DOP1B: variants seen among roughly 807,000 people sequenced by gnomAD.
DOP1B encodes protein DOP1B.
Under a neutral mutation model 233.5 loss-of-function variants are expected in DOP1B, and 174 were observed. That is an observed-to-expected ratio of 0.75 (90% CI 0.66 to 0.85). The LOEUF (loss-of-function observed/expected upper bound fraction) is 0.85, where lower values mean the gene tolerates loss of function less well. Ranked by LOEUF, DOP1B falls within the 40% of genes least tolerant of loss-of-function variation. DOP1B has a pLI of 0.00. For synonymous variants in DOP1B, 1,190 were observed against 1,185.6 expected (o/e 1.00, Z -0.08); for missense variants, 2,652 against 2,846.6 (o/e 0.93, Z 1.56).
chr21:36,200,465 TGCCCG>T lies in DOP1B; in HGVS notation c.459_463del (p.Gly154Ter). The T allele has an allele frequency of 6.2e-7, 1 of 1,612,380 alleles. No individual in the cohort carries two copies. The highest frequency in any genetic ancestry group is 8.5e-7 in the Non-Finnish European group (1 of 1,179,774). ...CTGCAGGCCTTCATCGTGGGCCTGC[TGCCCG>T]GCCTTGAAGAGGGCTCCGAGATCTC... On this transcript the variant is annotated frameshift_variant, in exon 4 of 37. Transcript: ENST00000691173. LOFTEE classifies it high-confidence loss of function.
At position 36,195,004 on chromosome 21, in the gene DOP1B, G is replaced by C. The variant is rs539203722; in HGVS notation, c.139-4066G>C. Among the ~76,000 whole-genome samples the C allele has an allele frequency of 3.7e-4, 56 of 151,524 alleles. 1 individual carries two copies. The highest frequency in any genetic ancestry group is 1.3e-3 in the African/African-American group (55 of 41,324). ...GTGGATCAATTGAGCCCAGGGGTTCGAGGCCAGCCTGAGCAACATGGCAAA... is the reference window on the plus strand; with the variant it reads ...GTGGATCAATTGAGCCCAGGGGTTCCAGGCCAGCCTGAGCAACATGGCAAA... On this transcript the variant is annotated intron_variant, in intron 2 of 36. Transcript: ENST00000691173.
chr21:36,278,096 T>G lies in DOP1B; in HGVS notation c.5822+12T>G, dbSNP rs542750608. The stretch of plus-strand genomic sequence containing the variant: ...TTACGCAACCACAGGTAACGTCATC[T>G]TCGCCATTTCTTCCCACCCATATGC... On this transcript the variant is annotated intron_variant, in intron 29 of 36. Transcript: ENST00000691173. 1.9e-4 allele frequency: 314 copies of G among 1,613,676 alleles called. 5 individuals are homozygous for G. The South Asian group carries it at 3.3e-3, about 17-fold the overall frequency.
At position 36,227,739 on chromosome 21, in the gene DOP1B, G is replaced by A. The variant is rs150769118; in HGVS notation, c.1527G>A (p.Leu509=). The A allele has an allele frequency of 2.4e-4, 381 of 1,608,930 alleles. 1 individual carries two copies. Among genetic ancestry groups the A allele is most frequent in the Admixed American group, 1.3e-3 (75 of 59,358 alleles). ...TQYLPQVLGC[L]VQPLAEDMEA... ...ATCTCCCTCAGGTGCTCGGCTGCCT[G>A]GTGCAGCCTCTTGCTGAGGACATGG... is the stretch of plus-strand genomic sequence containing the variant. Residue 509 remains leucine (L), a synonymous_variant, in exon 13 of 37, where the codon CTG becomes CTA. Transcript: ENST00000691173.
rs551407018 is a variant in DOP1B at position 36,227,731 on chromosome 21, G to A, written c.1519G>A (p.Gly507Ser). Residue 507 changes from glycine to serine, a missense_variant, in exon 13 of 37, where the codon GGC becomes AGC. Transcript: ENST00000691173. ...VQTQYLPQVL[G>S]CLVQPLAEDM... ...AACCCAGTATCTCCCTCAGGTGCTC[G>A]GCTGCCTGGTGCAGCCTCTTGCTGA... is the stretch of plus-strand genomic sequence containing the variant. 3.4e-5 allele frequency: 54 copies of A among 1,605,182 alleles called. No individual in the cohort carries two copies. The highest frequency in any genetic ancestry group is 7.7e-5 in the South Asian group (7 of 90,386).
chr21:36,272,369 G>T (rs2067298211), intron 27 of DOP1B, among the ~76,000 whole-genome samples: 1 of 152,070 alleles, frequency 6.6e-6, no homozygotes, highest in South Asian at 2.1e-4. Context: ...AATAAATCAG[G>T]CCGGGCACAG....
In DOP1B at chr21:36,245,936, G is replaced by T. The variant is rs781214844; in HGVS notation, c.3956G>T (p.Cys1319Phe). The T allele has an allele frequency of 6.8e-6, 11 of 1,613,924 alleles. No homozygotes were observed. The Admixed American group carries it at 1.7e-4, about 24-fold the overall frequency. ...SLLLELLTYLCLSFLRSYYPC... is the reference protein window; with the variant it reads ...SLLLELLTYLFLSFLRSYYPC... ...CTCCTGGAGCTGCTCACCTACCTCT[G>T]CCTGAGCTTCCTGCGCTCCTACTAC... is the stretch of plus-strand genomic sequence containing the variant. Residue 1319 changes from cysteine to phenylalanine, a missense_variant, in exon 19 of 37, where the codon TGC becomes TTC. Cys to Phe is a radical substitution (Grantham distance 205). Around this residue, in one of 3 missense-constraint regions of DOP1B, gnomAD observed 2,617 missense variants for 2,794.3 expected, o/e 0.94. Transcript: ENST00000691173. The surrounding 1 kb of genome is among the most constrained non-coding windows in gnomAD (Gnocchi z 5.5).
intron 2 of DOP1B, among the ~76,000 whole-genome samples, chr21:36,176,746 G>A (rs894668384): frequency 3.9e-5 from 6 of 152,118 alleles, no homozygotes; most frequent in African/African-American, 1.4e-4. Flanking sequence ...ATTTGTCTCT[G>A]GCAGTGTCCT....
chr21:36,179,988 C>T (rs1307764603), intron 2 of DOP1B, among the ~76,000 whole-genome samples: 4 of 152,176 alleles, frequency 2.6e-5, no homozygotes, highest in African/African-American at 4.8e-5. Flanking sequence ...TCTGCCTGCA[C>T]AGATGCCAGA....
chr21:36,228,127 G>A (rs560227454), intron 13 of DOP1B, among the ~76,000 whole-genome samples: 19 of 152,008 alleles, frequency 1.2e-4, no homozygotes, highest in Non-Finnish European at 2.2e-4. Context: ...CCAGGAGTTC[G>A]AGACCAGCCT....
Position 36,200,316 on chromosome 21 carries a change from C to T in DOP1B, c.321-15C>T, listed in dbSNP as rs749678566. The T allele has an allele frequency of 2.5e-6, 4 of 1,575,364 alleles. No individual in the cohort carries two copies. Among genetic ancestry groups the T allele is most frequent in the Non-Finnish European group, 3.4e-6 (4 of 1,159,910 alleles). ...ATCTTATTTCTGCCCCGCTCCCTCTCGTTCTTTCTCGAAGCTGCGGGTTAT... is the reference window on the plus strand; with the variant it reads ...ATCTTATTTCTGCCCCGCTCCCTCTTGTTCTTTCTCGAAGCTGCGGGTTAT... On this transcript the variant is annotated splice_polypyrimidine_tract_variant and intron_variant, in intron 3 of 36. Transcript: ENST00000691173.
chr21:36,245,301 C>T lies in DOP1B; in HGVS notation c.3321C>T (p.Ser1107=), dbSNP rs547310295. 2.0e-5 allele frequency: 32 copies of T among 1,614,078 alleles called. No individual in the cohort carries two copies. The South Asian group carries it at 2.2e-4, about 11-fold the overall frequency. ...DRTAHGAPDS[S]EHTESADTSS... ...CGGCCCACGGCGCCCCGGACAGCAG[C>T]GAGCACACCGAGTCTGCAGATACAA... The change falls in exon 19 of 37, where the codon AGC becomes AGT. Residue 1107 remains serine, a synonymous_variant. Coordinates refer to ENST00000691173, the MANE Select transcript of DOP1B (RefSeq NM_001320714.2). This position sits in a 1 kb window ranked among gnomAD's most constrained non-coding sequence, Gnocchi z 5.5.
intron 1 of DOP1B, among the ~76,000 whole-genome samples, chr21:36,158,902 C>A (rs145954030): frequency 0.029 from 4,280 of 149,254 alleles, 113 homozygotes; most frequent in African/African-American, 0.068. Context: ...CCGAGGTGGG[C>A]GGATCACCTT....
At chr21:36,254,939 T>C (rs1007057538) in intron 23 of DOP1B, among the ~76,000 whole-genome samples, 49 of 149,624 alleles carry the variant, frequency 3.3e-4, no homozygotes, top group Non-Finnish European at 5.6e-4. Context: ...AAATTAAAAT[T>C]TGTGTAACTT....
intron 2 of DOP1B, chr21:36,169,333 C>A: frequency 2.6e-6 from 2 of 782,514 alleles, no homozygotes; most frequent in Non-Finnish European, 4.6e-6. Context: ...TCTTACAGAT[C>A]TTCTTGTTGA....
chr21:36,247,232 G>A (rs148197766), intron 19 of DOP1B, among the ~76,000 whole-genome samples: 107 of 152,106 alleles, frequency 7.0e-4, no homozygotes, highest in African/African-American at 2.4e-3. Context: ...AGTGTTGCAG[G>A]GCATGTCAGC....
Position 36,293,642 on chromosome 21 carries a change from G to T in DOP1B, c.*71G>T. On this transcript the variant is annotated 3_prime_UTR_variant, in exon 37 of 37. Coordinates refer to ENST00000691173, the MANE Select transcript of DOP1B (RefSeq NM_001320714.2). The stretch of plus-strand genomic sequence containing the variant: ...GAAAACCAGGTTATATTCTAAAGAA[G>T]AAAGAAGGCAGGATAGTGCTTTTGA... The T allele has an allele frequency of 6.6e-7, 1 of 1,518,888 alleles. No homozygotes were observed. 94.1% of individuals were successfully genotyped at this position (1,518,888 alleles called of 1,614,324 possible).
intron 2 of DOP1B, chr21:36,169,210 A>T: frequency 1.9e-6 from 2 of 1,028,234 alleles, no homozygotes; most frequent in Non-Finnish European, 3.0e-6. Context: ...TGGTCACTTC[A>T]CCATAGTGGA....
chr21:36,281,372 A>G (rs2067413850), intron 31 of DOP1B, 111 bp from the exon 32 acceptor site: 2 of 1,172,290 alleles, frequency 1.7e-6, no homozygotes, highest in Non-Finnish European at 2.4e-6. Context: ...TACTTAATAA[A>G]GATCATGATT....
rs34428315 is a variant in DOP1B, at chr21:36,292,216, C to A, written c.6628C>A (p.Leu2210Ile). Residue 2210 changes from leucine (L) to isoleucine (I), a missense_variant, in exon 36 of 37, where the codon CTA becomes ATA. Coordinates refer to ENST00000691173, the MANE Select transcript of DOP1B (RefSeq NM_001320714.2). ...KPHTVRILEL[L>I]KLKFGEISSS... is the part of the protein sequence containing the mutation. ...CCACACTGTCAGGATTCTAGAACTT[C>A]TAAAATTAAAGTTTGGGGTAAGTGC... The A allele has an allele frequency of 6.3e-7, 1 of 1,589,976 alleles. No individual in the cohort carries two copies. The highest frequency in any genetic ancestry group is 8.5e-7 in the Non-Finnish European group (1 of 1,172,194).
Sources: gnomAD v4.1 joint callset for allele counts (sites outside exome capture counted in the v4.1 genomes callset) on GRCh38, gnomAD v4.1.1 for gene constraint, gnomAD v4.1.1 regional missense constraint, Gnocchi (gnomAD v3.1) non-coding constraint, MANE v1.5 for transcripts, NCBI Gene and HGNC (gene_info 2026-07-23, HGNC 2026-07-21) for gene names.